Variants in SEC24D observed in about 807,000 individuals in gnomAD.
The protein encoded by SEC24D is protein transport protein Sec24D.
Under a neutral mutation model 116.9 loss-of-function variants are expected in SEC24D, and 69 were observed. The observed-to-expected ratio is 0.59, with a 90% confidence interval of 0.49 to 0.72. The LOEUF is 0.72. Among genes scored for constraint, SEC24D ranks in the 30% least tolerant of loss-of-function variants. The probability of loss-of-function intolerance (pLI) is 0.00; values close to 1 mark genes in which losing one functional copy is unlikely to be tolerated. For missense variants in SEC24D, 1,131 were observed against 1,264.1 expected, an observed-to-expected ratio of 0.89 and a Z score of 1.60; for synonymous variants, 405 against 442.8, an observed-to-expected ratio of 0.91 and a Z score of 1.07.
At chr4:118,789,596 T>C (rs543887125) in intron 8 of SEC24D, among the ~76,000 whole-genome samples, 1 of 152,344 alleles carries the variant, frequency 6.6e-6, no homozygotes, top group Non-Finnish European at 1.5e-5. Flanking sequence ...TTTATTTTTA[T>C]TTTTTTGAGA....
intron 22 of SEC24D, among the ~76,000 whole-genome samples, chr4:118,726,349 C>T (rs989514835): frequency 4.6e-5 from 7 of 152,096 alleles, no homozygotes; most frequent in Admixed American, 2.6e-4. Flanking sequence ...TGAAAGCTGA[C>T]AGGAGAGAAT....
intron 2 of SEC24D, among the ~76,000 whole-genome samples, chr4:118,831,223 T>C (rs1489047782): frequency 6.6e-6 from 1 of 152,178 alleles, no homozygotes; most frequent in African/African-American, 2.4e-5. Flanking sequence ...GAGACCGGGA[T>C]TCACCATGTT....
chr4:118,801,875 T>C (rs2110510313), intron 7 of SEC24D, among the ~76,000 whole-genome samples: 1 of 152,356 alleles, frequency 6.6e-6, no homozygotes, highest in South Asian at 2.1e-4. Context: ...CCGTGGATAA[T>C]TTAGCAACCA....
At chr4:118,739,416 T>G (rs1726127103) in intron 17 of SEC24D, 129 bp from the exon 18 acceptor site, 1 of 783,458 alleles carries the variant, frequency 1.3e-6, no homozygotes, top group Middle Eastern at 3.5e-4. Flanking sequence ...TTTTCCACAG[T>G]TTTTTTTCTA....
intron 11 of SEC24D, among the ~76,000 whole-genome samples, chr4:118,755,414 G>C (rs1351340635): frequency 1.4e-5 from 2 of 142,304 alleles, no homozygotes; most frequent in East Asian, 4.1e-4. Flanking sequence ...AAAATTTTAA[G>C]ATCAAGCATT....
At position 118,723,580 on chromosome 4, in the gene SEC24D, C is replaced by T. The variant is rs753623656; in HGVS notation, c.3034G>A (p.Gly1012Arg). ...AGGAAATCCACATAAGAAGAGCCTC[C>T]GTAAAGTCCTTTGTCTTCTACCAGG... ...QFLVEDKGLY[G>R]GSSYVDFLCC... Residue 1012 changes from glycine (G) to arginine (R), a missense_variant, in exon 23 of 23, where the codon GGA (glycine) becomes AGA (arginine). Gly to Arg is a moderately radical substitution (Grantham distance 125). Transcript: ENST00000280551. The T allele has an allele frequency of 5.3e-5, 86 of 1,613,768 alleles. No homozygotes were observed. In the Middle Eastern group the frequency reaches 8.2e-4, roughly 15 times the overall value.
intron 2 of SEC24D, among the ~76,000 whole-genome samples, 188 bp from the exon 3 acceptor site, chr4:118,824,937 A>G (rs1455385458): frequency 1.3e-5 from 2 of 152,262 alleles, no homozygotes; most frequent in Non-Finnish European, 2.9e-5. Context: ...GTATTTGACT[A>G]TCATAATGAT....
rs1384443592 is a variant in SEC24D at position 118,767,242 on chromosome 4, T to C, written c.1180+931A>G. On this transcript the variant is annotated intron_variant, in intron 9 of 22. Coordinates refer to ENST00000280551, the MANE Select transcript of SEC24D (RefSeq NM_014822.4). Reference sequence around the variant, plus strand: ...AGGGAAATAAGAAGGCAAGCAACGCTCTCCCACCAGAGAATGCTCACAGAG... The same window carrying C: ...AGGGAAATAAGAAGGCAAGCAACGCCCTCCCACCAGAGAATGCTCACAGAG... Among the ~76,000 whole-genome samples, 52 of 152,062 alleles carry C rather than the reference T, an allele frequency of 3.4e-4. 1 individual carries two copies.
intron 6 of SEC24D, among the ~76,000 whole-genome samples, chr4:118,813,557 C>G (rs1308798663): frequency 6.6e-6 from 1 of 152,156 alleles, no homozygotes; most frequent in Non-Finnish European, 1.5e-5. Flanking sequence ...ATAAGGCCAC[C>G]AGTTCCACTC....
At chr4:118,803,083 C>T (rs906195335) in intron 7 of SEC24D, among the ~76,000 whole-genome samples, 1 of 152,004 alleles carries the variant, frequency 6.6e-6, no homozygotes, top group Admixed American at 6.6e-5. Flanking sequence ...CTACCAGGGG[C>T]TGGGTGGGGT....
chr4:118,832,100 G>A (rs955394414), intron 2 of SEC24D, among the ~76,000 whole-genome samples: 5 of 151,992 alleles, frequency 3.3e-5, no homozygotes, highest in African/African-American at 1.2e-4. Flanking sequence ...CTACTCAGGA[G>A]GCTGAGGCAG....
intron 8 of SEC24D, among the ~76,000 whole-genome samples, chr4:118,777,398 G>C (rs924408770): frequency 1.3e-5 from 2 of 152,142 alleles, no homozygotes; most frequent in Non-Finnish European, 2.9e-5. Context: ...AGTTTGCTCA[G>C]AATGATGGTT....
At chr4:118,781,107 T>C (rs1373691867) in intron 8 of SEC24D, among the ~76,000 whole-genome samples, 1 of 152,084 alleles carries the variant, frequency 6.6e-6, no homozygotes, top group African/African-American at 2.4e-5. Context: ...AATACTGTTA[T>C]GTGTGAATTT....
At chr4:118,751,889 A>C in intron 13 of SEC24D, 107 bp downstream of exon 13, 1 of 792,952 alleles carries the variant, frequency 1.3e-6, no homozygotes, top group Non-Finnish European at 2.1e-6. Context: ...CTAGTGACCC[A>C]CGTTTTAATG....
At chr4:118,732,657 T>G in intron 20 of SEC24D, 76 bp downstream of exon 20, 1 of 1,343,642 alleles carries the variant, frequency 7.4e-7, no homozygotes, top group Non-Finnish European at 1.0e-6. Context: ...ATATTTCAGA[T>G]ATAACATACG....
chr4:118,734,117 T>G (rs1330404585), intron 19 of SEC24D, among the ~76,000 whole-genome samples: 4 of 150,266 alleles, frequency 2.7e-5, no homozygotes, highest in Non-Finnish European at 5.9e-5. Flanking sequence ...CAAGGACATA[T>G]CCAAAAGAAA....
intron 11 of SEC24D, 34 bp downstream of exon 11, chr4:118,757,687 G>C: frequency 6.3e-7 from 1 of 1,589,624 alleles, no homozygotes; most frequent in Non-Finnish European, 8.6e-7. Context: ...AGGCAATAAT[G>C]TATAAGTTGT....
At position 118,797,764 on chromosome 4, in the gene SEC24D, T is replaced by C. The variant is rs1375799894; in HGVS notation, c.960A>G (p.Pro320=). 7 of 1,611,580 alleles carry C rather than the reference T, an allele frequency of 4.3e-6. No homozygotes were observed. Among genetic ancestry groups the C allele is most frequent in the South Asian group, 1.1e-5 (1 of 90,806 alleles). ...RFIRCTTYCF[P]CTSDMAKQAQ... ...CTTGCTTAGCCATATCTGACGTGCA[T>C]GGAAAACAGTATGTTGTACAACGGA... The change falls in exon 8 of 23, where the codon CCA becomes CCG. Residue 320 remains proline, a synonymous_variant. Coordinates refer to ENST00000280551, the MANE Select transcript of SEC24D (RefSeq NM_014822.4).
At chr4:118,747,902 G>C (rs1726619972) in intron 13 of SEC24D, among the ~76,000 whole-genome samples, 3 of 152,166 alleles carry the variant, frequency 2.0e-5, no homozygotes, top group Non-Finnish European at 4.4e-5. Context: ...ACAAAATATT[G>C]TTGGGAGAAT....
Sources: allele counts gnomAD v4.1 joint callset (sites outside exome capture counted in the v4.1 genomes callset), GRCh38; gene constraint gnomAD v4.1.1; transcripts MANE v1.5; gene names NCBI Gene and HGNC (gene_info 2026-07-23, HGNC 2026-07-21).